The following PPIP5K1 variants were observed in gnomAD, a reference collection of about 807,000 sequenced individuals.
The protein encoded by PPIP5K1 is inositol hexakisphosphate and diphosphoinositol-pentakisphosphate kinase 1.
In PPIP5K1, 6 loss-of-function variants were observed where a neutral mutation model predicts 27.7. That is an observed-to-expected ratio of 0.22 (90% confidence interval 0.12 to 0.43). The LOEUF (loss-of-function observed/expected upper bound fraction) is 0.43. Among genes scored for constraint, PPIP5K1 ranks in the 20% least tolerant of loss-of-function variants. The probability of loss-of-function intolerance (pLI) is 1.00; values close to 1 mark genes in which losing one functional copy is unlikely to be tolerated. For missense variants in PPIP5K1, 394 were observed against 635.4 expected (o/e 0.62, Z 4.08); for synonymous variants, 145 against 242.6 (o/e 0.60, Z 3.74).
At chr15:43,557,139 C>A (rs954892669) in intron 30 of PPIP5K1, among the ~76,000 whole-genome samples, 1 of 152,090 alleles carries the variant, frequency 6.6e-6, no homozygotes, top group East Asian at 1.9e-4. Context: ...ATTTACCCCC[C>A]GTCCATTTAC....
intron 30 of PPIP5K1, among the ~76,000 whole-genome samples, chr15:43,553,340 C>CTT (rs879732500): frequency 7.0e-6 from 1 of 143,178 alleles, no homozygotes. Flanking sequence ...TTTTCTTCTT[C>CTT]TTTTTTTTTT....
chr15:43,580,612 G>A (rs1054132054), intron 10 of PPIP5K1, among the ~76,000 whole-genome samples: 1 of 117,812 alleles, frequency 8.5e-6, no homozygotes, highest in African/African-American at 4.5e-5. Context: ...TTTATTTATT[G>A]GGACGCAGTT....
chr15:43,547,026 A>G (rs1246442920), intron 30 of PPIP5K1, among the ~76,000 whole-genome samples: 2 of 152,016 alleles, frequency 1.3e-5, no homozygotes, highest in African/African-American at 4.8e-5. Flanking sequence ...TTCCATTAGC[A>G]CTGTATGAGA....
chr15:43,536,049 T>A (rs1468087821), intron 31 of PPIP5K1: 5 of 1,243,278 alleles, frequency 4.0e-6, no homozygotes, highest in Non-Finnish European at 5.3e-6. Context: ...GCAGAGGTAA[T>A]CATTATTTAT....
chr15:43,541,924 C>T (rs2080775984), intron 30 of PPIP5K1, among the ~76,000 whole-genome samples: 1 of 152,068 alleles, frequency 6.6e-6, no homozygotes, highest in Non-Finnish European at 1.5e-5. Flanking sequence ...GTTAAGAATA[C>T]TTTAAGAGGT....
chr15:43,541,066 G>C (rs936217544), intron 30 of PPIP5K1, among the ~76,000 whole-genome samples: 1 of 151,930 alleles, frequency 6.6e-6, no homozygotes, highest in Admixed American at 6.6e-5. Flanking sequence ...ACTGCATCTC[G>C]TTATGTCTTT....
intron 30 of PPIP5K1, among the ~76,000 whole-genome samples, chr15:43,554,025 C>T (rs1315408287): frequency 1.3e-5 from 2 of 152,124 alleles, no homozygotes; most frequent in African/African-American, 2.4e-5. Context: ...CTCATGCCTG[C>T]AACAACAGCA....
At chr15:43,535,520 G>C in intron 31 of PPIP5K1, 44 bp from the exon 32 acceptor site, 1 of 1,447,258 alleles carries the variant, frequency 6.9e-7, no homozygotes, top group African/African-American at 1.4e-5. Context: ...AGCTGGAAGA[G>C]TAGGCTCTAC....
chr15:43,538,550 G>A (rs376775053), intron 31 of PPIP5K1, among the ~76,000 whole-genome samples: 8 of 151,096 alleles, frequency 5.3e-5, no homozygotes, highest in Admixed American at 3.3e-4. Context: ...TTTTTGAGAC[G>A]GAGTCTCACT....
intron 30 of PPIP5K1, among the ~76,000 whole-genome samples, chr15:43,546,625 G>C (rs1224209442): frequency 1.4e-5 from 2 of 143,222 alleles, no homozygotes; most frequent in Admixed American, 1.4e-4. Context: ...ATGAACATCT[G>C]TGTGTATTTG....
chr15:43,549,396 G>A (rs2081916166), intron 30 of PPIP5K1, among the ~76,000 whole-genome samples: 1 of 152,106 alleles, frequency 6.6e-6, no homozygotes, highest in African/African-American at 2.4e-5. Flanking sequence ...AGACACCGTG[G>A]CTCATGCCTG....
chr15:43,553,727 C>T (rs1163814686), intron 30 of PPIP5K1, among the ~76,000 whole-genome samples: 1 of 150,852 alleles, frequency 6.6e-6, no homozygotes. Flanking sequence ...TTATTGCAAG[C>T]TCCACCTCCC....
intron 29 of PPIP5K1, among the ~76,000 whole-genome samples, chr15:43,559,571 C>T (rs1188610728): frequency 6.6e-6 from 1 of 152,186 alleles, no homozygotes; most frequent in Non-Finnish European, 1.5e-5. Context: ...CAAAGCTTCA[C>T]TCTTCTGATC....
intron 30 of PPIP5K1, among the ~76,000 whole-genome samples, chr15:43,553,875 G>A (rs886229257): frequency 6.6e-6 from 1 of 151,828 alleles, no homozygotes; most frequent in African/African-American, 2.4e-5. Flanking sequence ...TCAATCTCCT[G>A]ACCTTGTGAT....
At chr15:43,551,626 G>A (rs1261276184) in intron 30 of PPIP5K1, among the ~76,000 whole-genome samples, 3 of 52,652 alleles carry the variant, frequency 5.7e-5, no homozygotes, top group African/African-American at 6.2e-4. Context: ...TTTTTGAGAC[G>A]GAGTCTCGCT....
chr15:43,556,776 T>A (rs969113773), intron 30 of PPIP5K1, among the ~76,000 whole-genome samples: 2 of 152,158 alleles, frequency 1.3e-5, no homozygotes, highest in African/African-American at 2.4e-5. Context: ...GGAACCAGGG[T>A]CCTACATTGA....
At chr15:43,535,729 T>TG (rs2079755406) in intron 31 of PPIP5K1, among the ~76,000 whole-genome samples, 1 of 152,156 alleles carries the variant, frequency 6.6e-6, no homozygotes, top group Non-Finnish European at 1.5e-5. Context: ...TAAGACCCAC[T>TG]TCATCTGGTT....
At chr15:43,552,528 T>TAAAAAAAA (rs535937209) in intron 30 of PPIP5K1, among the ~76,000 whole-genome samples, 1 of 69,426 alleles carries the variant, frequency 1.4e-5, no homozygotes, top group African/African-American at 4.3e-5. Context: ...TCTGTCTCTA[T>TAAAAAAAA]AAAAAAAAAA....
intron 30 of PPIP5K1, among the ~76,000 whole-genome samples, chr15:43,550,766 T>C (rs2082094879): frequency 1.3e-5 from 2 of 152,232 alleles, no homozygotes; most frequent in Admixed American, 1.3e-4. Flanking sequence ...TTTATCATGT[T>C]CATTAAGTTC....
Sources: gnomAD v4.1 joint callset for allele counts (sites outside exome capture counted in the v4.1 genomes callset) on GRCh38, gnomAD v4.1.1 for gene constraint, MANE v1.5 for transcripts, NCBI Gene and HGNC (gene_info 2026-07-23, HGNC 2026-07-21) for gene names.